The following MKLN1 variants were observed in gnomAD, a reference collection of about 807,000 sequenced individuals.
MKLN1 encodes the protein muskelin 1.
In MKLN1, 18 loss-of-function variants were observed where a neutral mutation model predicts 99.0. The ratio of observed to expected loss-of-function variants is 0.18; its 90% CI spans 0.13 to 0.27. The LOEUF is 0.27. MKLN1 is among the 10% of genes least tolerant of loss of function. The pLI is 1.00. For synonymous variants in MKLN1, 288 were observed against 293.2 expected (o/e 0.98, Z 0.18); for missense variants, 621 against 875.9 (o/e 0.71, Z 3.67).
intron 2 of MKLN1, among the ~76,000 whole-genome samples, chr7:131,382,627 C>T (rs1202764826): frequency 1.3e-5 from 2 of 152,164 alleles, no homozygotes; most frequent in South Asian, 2.1e-4. Context: ...GTGGTTTCCC[C>T]TTCCTGTTCT....
chr7:131,192,076 T>C lies in MKLN1; in HGVS notation c.-296-10781T>C, dbSNP rs559669071. Among the ~76,000 whole-genome samples the C allele has an allele frequency of 7.5e-3, 747 of 99,456 alleles. 38 individuals carry two copies. The highest frequency in any genetic ancestry group is 9.8e-3 in the Non-Finnish European group (500 of 50,988). The allele number at this position is 99,456 out of a possible 152,430, so 65.2% of individuals were successfully genotyped here. ...TACATGTATATATATATTATATATATACATATATATTATATATATATGTAT... is the reference window on the plus strand; with the variant it reads ...TACATGTATATATATATTATATATACACATATATATTATATATATATGTAT... On this transcript the variant is annotated intron_variant, in intron 2 of 7. Transcript: ENST00000416992.
At chr7:131,113,920 C>G (rs1479218479) in intron 1 of MKLN1, among the ~76,000 whole-genome samples, 2 of 152,160 alleles carry the variant, frequency 1.3e-5, no homozygotes, top group African/African-American at 4.8e-5. Context: ...CATGAGAACT[C>G]CCTCACTATC....
intron 8 of MKLN1, among the ~76,000 whole-genome samples, chr7:131,426,804 G>C (rs914938736): frequency 2.6e-5 from 4 of 151,814 alleles, no homozygotes; most frequent in African/African-American, 9.7e-5. Flanking sequence ...GCCCAGGCTG[G>C]AGTGCAGTGG....
chr7:131,257,555 A>C (rs1052591834), intron 3 of MKLN1, among the ~76,000 whole-genome samples: 11 of 152,186 alleles, frequency 7.2e-5, no homozygotes, highest in Admixed American at 5.2e-4. Context: ...CTAGTCCCCC[A>C]AACCTGAATC....
intron 3 of MKLN1, among the ~76,000 whole-genome samples, chr7:131,212,751 C>T (rs1409080863): frequency 6.6e-6 from 1 of 151,984 alleles, no homozygotes; most frequent in African/African-American, 2.4e-5. Context: ...TGGAGAAACC[C>T]CATCTCTACT....
chr7:131,322,202 C>A (rs1798791650), intron 3 of MKLN1, among the ~76,000 whole-genome samples: 1 of 152,092 alleles, frequency 6.6e-6, no homozygotes, highest in Non-Finnish European at 1.5e-5. Context: ...GCAGGGAATC[C>A]AAAGCAGGCA....
chr7:131,128,017 G>A (rs553215477), intron 1 of MKLN1, among the ~76,000 whole-genome samples: 1 of 152,192 alleles, frequency 6.6e-6, no homozygotes, highest in Non-Finnish European at 1.5e-5. Context: ...AGTTGGAGCT[G>A]TGGTCTGTTT....
rs185599117 is a variant in MKLN1 at position 131,335,160 on chromosome 7, C to G, written c.98+7163C>G. 3.5e-3 allele frequency among the ~76,000 whole-genome samples: 538 copies of G among 152,194 alleles called. 3 individuals are homozygous for G. The highest frequency in any genetic ancestry group is 8.3e-3 in the Admixed American group (127 of 15,298). ...TTTTGAAGAAAATATTTTTTAACAT[C>G]TTTGCACATTGGGAAGATGTTTCAG... On this transcript the variant is annotated intron_variant, in intron 1 of 17. Coordinates refer to ENST00000352689, the MANE Select transcript of MKLN1 (RefSeq NM_013255.5).
At chr7:131,292,402 CT>C (rs1455842618) in intron 3 of MKLN1, among the ~76,000 whole-genome samples, 1 of 152,148 alleles carries the variant, frequency 6.6e-6, no homozygotes, top group Non-Finnish European at 1.5e-5. Flanking sequence ...GATATTAGGG[CT>C]CGAATCATGT....
chr7:131,138,814 G>T (rs1361393568), intron 1 of MKLN1, among the ~76,000 whole-genome samples: 1 of 152,126 alleles, frequency 6.6e-6, no homozygotes, highest in Non-Finnish European at 1.5e-5. Flanking sequence ...TCTCCTCTCT[G>T]TGCTATAATC....
chr7:131,194,577 G>A (rs904942628), intron 2 of MKLN1, among the ~76,000 whole-genome samples: 3 of 152,262 alleles, frequency 2.0e-5, no homozygotes, highest in Non-Finnish European at 4.4e-5. Flanking sequence ...TACGGCCAGA[G>A]AATAACCTTT....
chr7:131,352,069 A>G (rs1202014787), intron 1 of MKLN1, among the ~76,000 whole-genome samples: 2 of 152,224 alleles, frequency 1.3e-5, no homozygotes, highest in African/African-American at 2.4e-5. Context: ...AGTTTTCAGC[A>G]TAGTGAGTTG....
intron 3 of MKLN1, among the ~76,000 whole-genome samples, chr7:131,314,075 TAAC>T (rs1798618638): frequency 6.6e-6 from 1 of 152,154 alleles, no homozygotes; most frequent in Non-Finnish European, 1.5e-5. Flanking sequence ...GTAATAATAA[TAAC>T]CATTCACTGT....
intron 3 of MKLN1, among the ~76,000 whole-genome samples, chr7:131,282,328 A>C (rs552904888): frequency 2.0e-5 from 3 of 150,662 alleles, no homozygotes; most frequent in Non-Finnish European, 4.4e-5. Context: ...CAGCCTGGGC[A>C]ACAAGAGTGA....
At chr7:131,412,920 A>G (rs917108083) in intron 7 of MKLN1, among the ~76,000 whole-genome samples, 2 of 152,210 alleles carry the variant, frequency 1.3e-5, no homozygotes, top group African/African-American at 4.8e-5. Flanking sequence ...TTGATGTTAC[A>G]TGAACATCAT....
At chr7:131,447,953 G>A (rs1489779463) in intron 12 of MKLN1, among the ~76,000 whole-genome samples, 3 of 152,228 alleles carry the variant, frequency 2.0e-5, no homozygotes, top group South Asian at 2.1e-4. Flanking sequence ...TGGCGGCCAC[G>A]TGAGGTGGCT....
intron 3 of MKLN1, among the ~76,000 whole-genome samples, chr7:131,291,598 ATAT>A (rs758161512): frequency 8.2e-5 from 12 of 147,134 alleles, no homozygotes; most frequent in East Asian, 2.0e-4. Flanking sequence ...ATATATATAT[ATAT>A]AATACAGCTT....
chr7:131,393,529 A>G (rs1794267879), intron 4 of MKLN1, among the ~76,000 whole-genome samples: 1 of 152,254 alleles, frequency 6.6e-6, no homozygotes, highest in Non-Finnish European at 1.5e-5. Context: ...GGTATTAAAA[A>G]TTATAACTAA....
chr7:131,184,188 T>G (rs1301457228), intron 2 of MKLN1, among the ~76,000 whole-genome samples: 1 of 152,054 alleles, frequency 6.6e-6, no homozygotes, highest in South Asian at 2.1e-4. Flanking sequence ...ACAGGCATGA[T>G]CACAGGCATG....
Sources: gnomAD v4.1 joint callset for allele counts (sites outside exome capture counted in the v4.1 genomes callset) on GRCh38, gnomAD v4.1.1 for gene constraint, MANE v1.5 for transcripts, NCBI Gene and HGNC (gene_info 2026-07-23, HGNC 2026-07-21) for gene names.